Variants in MEF2C observed in about 807,000 individuals in gnomAD.
The protein encoded by MEF2C is myocyte-specific enhancer factor 2C.
MEF2C carries 6 observed loss-of-function variants against 50.5 expected under a neutral mutation model. The ratio of observed to expected loss-of-function variants is 0.12; its 90% CI spans 0.07 to 0.23. The LOEUF (loss-of-function observed/expected upper bound fraction) is 0.23. Ranked by LOEUF, MEF2C falls within the 10% of genes least tolerant of loss-of-function variation. MEF2C has a pLI of 1.00. For missense variants in MEF2C, 276 were observed against 605.0 expected, an observed-to-expected ratio of 0.46 and a Z score of 5.70; for synonymous variants, 183 against 228.0, an observed-to-expected ratio of 0.80 and a Z score of 1.78.
At position 88,722,631 on chromosome 5, in the gene MEF2C, C is replaced by G; in HGVS notation, c.1395G>C (p.Met465Ile). 1 of 1,612,756 alleles carries G rather than the reference C, an allele frequency of 6.2e-7. No homozygotes were observed. Among genetic ancestry groups the G allele is most frequent in the Non-Finnish European group, 8.5e-7 (1 of 1,179,256 alleles). Residue 465 changes from methionine to isoleucine, a missense_variant, in exon 11 of 11, where the codon ATG (methionine) becomes ATC (isoleucine). Physicochemically the swap from Met to Ile is conservative, Grantham distance 10 (BLOSUM62 1). Around this residue, in one of 2 missense-constraint regions of MEF2C, gnomAD observed 256 missense variants for 468.1 expected, o/e 0.55. Coordinates refer to ENST00000504921, the MANE Select transcript of MEF2C (RefSeq NM_002397.5). ...DERESPSVKR[M>I]RLSEGWAT ...ATGTTGCCCATCCTTCAGAAAGTCG[C>G]ATGCGCTTGACTGAGGGACTTTCCC...
At chr5:88,775,773 C>T in intron 3 of MEF2C, 12 of 974,358 alleles carry the variant, frequency 1.2e-5, no homozygotes, top group Non-Finnish European at 1.5e-5. Context: ...CCTTGGATTT[C>T]ACATGATGCT....
chr5:88,892,653 G>A (rs1273194481), intron 1 of MEF2C, among the ~76,000 whole-genome samples: 1 of 152,148 alleles, frequency 6.6e-6, no homozygotes, highest in Admixed American at 6.5e-5. Flanking sequence ...CTGACATCAT[G>A]CCTCTAGGAT....
At chr5:88,730,140 A>G (rs1028913902) in intron 8 of MEF2C, 71 bp downstream of exon 8, 14 of 1,492,236 alleles carry the variant, frequency 9.4e-6, no homozygotes, top group Non-Finnish European at 1.8e-6. Context: ...TTCCAATTTT[A>G]TCAAAGCTAC....
Position 88,749,106 on chromosome 5 carries a change from C to A in MEF2C, c.601G>T (p.Gly201Cys). ...CCTGCACCAGACGTGAGGTCTCCACCCATCAGACCACCTATGGATTAAAGA... is the reference window on the plus strand; with the variant it reads ...CCTGCACCAGACGTGAGGTCTCCACACATCAGACCACCTATGGATTAAAGA... ...PSAGNTGGLM[G>C]GDLTSGAGTS... Residue 201 changes from glycine to cysteine, a missense_variant, in exon 6 of 11, where the codon GGT (glycine) becomes TGT (cysteine). By Grantham distance (159) the Gly-to-Cys change is radical (BLOSUM62 -3). Around this residue, in one of 2 missense-constraint regions of MEF2C, gnomAD observed 256 missense variants for 468.1 expected, o/e 0.55. Transcript: ENST00000504921. 6.4e-7 allele frequency: 1 copy of A among 1,573,856 alleles called. No individual in the cohort carries two copies. The highest frequency in any genetic ancestry group is 1.2e-5 in the South Asian group (1 of 85,214).
In MEF2C at chr5:88,721,248, T is replaced by C. The variant is rs1581188352; in HGVS notation, c.*1356A>G. 1 of 152,620 alleles carries C rather than the reference T, an allele frequency of 6.6e-6. No individual in the cohort carries two copies. The highest frequency in any genetic ancestry group is 1.5e-5 in the Non-Finnish European group (1 of 68,034). 9.5% of individuals were successfully genotyped at this position (152,620 alleles called of 1,614,324 possible). ...TGGGCAAGTTAGGATATGCACTTAC[T>C]GAATTCCAAGATGCATGGTGAAATG... On this transcript the variant is annotated 3_prime_UTR_variant, in exon 11 of 11. Transcript: ENST00000504921.
intron 2 of MEF2C, among the ~76,000 whole-genome samples, chr5:88,822,758 G>T (rs939243117): frequency 6.6e-6 from 1 of 151,940 alleles, no homozygotes; most frequent in Non-Finnish European, 1.5e-5. Flanking sequence ...TCTGGTGGTT[G>T]TCCCCAGGGC....
chr5:88,842,816 T>C (rs1183369156), intron 1 of MEF2C, among the ~76,000 whole-genome samples: 1 of 152,210 alleles, frequency 6.6e-6, no homozygotes, highest in African/African-American at 2.4e-5. Flanking sequence ...AATAATCTTC[T>C]TTAAAAATAT....
intron 3 of MEF2C, among the ~76,000 whole-genome samples, chr5:88,790,428 A>G (rs1241404507): frequency 6.6e-6 from 1 of 152,214 alleles, no homozygotes; most frequent in Non-Finnish European, 1.5e-5. Flanking sequence ...AGTTAGAATC[A>G]GCATTTTAGC....
At chr5:88,739,497 G>A (rs1765566912) in intron 6 of MEF2C, 1 of 972,100 alleles carries the variant, frequency 1.0e-6, no homozygotes, top group African/African-American at 1.8e-5. Flanking sequence ...TCAGGATATT[G>A]TTTTGTGCCT....
intron 1 of MEF2C, among the ~76,000 whole-genome samples, chr5:88,876,712 T>C (rs1232734269): frequency 2.6e-5 from 4 of 151,954 alleles, no homozygotes; most frequent in Admixed American, 2.6e-4. Context: ...GCTGAAAGAA[T>C]CACAGGTGTG....
chr5:88,775,596 A>C (rs2152815832), intron 3 of MEF2C, among the ~76,000 whole-genome samples: 1 of 152,370 alleles, frequency 6.6e-6, no homozygotes, highest in African/African-American at 2.4e-5. Flanking sequence ...AAATTAAATT[A>C]ATAATTAAAA....
At chr5:88,878,511 C>T (rs1831804592) in intron 1 of MEF2C, among the ~76,000 whole-genome samples, 2 of 152,052 alleles carry the variant, frequency 1.3e-5, no homozygotes, top group South Asian at 4.1e-4. Context: ...CACCCACTAA[C>T]TTCTACCTCA....
chr5:88,787,264 G>A (rs1220843448), intron 3 of MEF2C, among the ~76,000 whole-genome samples: 4 of 152,108 alleles, frequency 2.6e-5, no homozygotes, highest in South Asian at 2.1e-4. Flanking sequence ...CTATGCAGTC[G>A]TAAATTAAGA....
chr5:88,739,745 A>C, intron 6 of MEF2C: 1 of 984,650 alleles, frequency 1.0e-6, no homozygotes. Context: ...TATTTTTTTG[A>C]GAAAAAAAGA....
intron 6 of MEF2C, chr5:88,742,135 G>T (rs1767113786): frequency 1.0e-6 from 1 of 985,208 alleles, no homozygotes; most frequent in South Asian, 4.7e-5. Flanking sequence ...AAAGTCCCTG[G>T]TAAGTAAAAA....
chr5:88,748,914 T>C, intron 6 of MEF2C, 156 bp downstream of exon 6: 1 of 985,464 alleles, frequency 1.0e-6, no homozygotes, highest in Non-Finnish European at 1.2e-6. Flanking sequence ...TAACCACTCC[T>C]GCTTCAGAAA....
intron 3 of MEF2C, 82 bp downstream of exon 3, chr5:88,804,516 T>C: frequency 8.5e-7 from 1 of 1,175,612 alleles, no homozygotes; most frequent in Admixed American, 1.9e-5. Context: ...AAGAACATGA[T>C]GTGTGTATGT....
intron 3 of MEF2C, among the ~76,000 whole-genome samples, chr5:88,767,893 T>A (rs1017287735): frequency 6.6e-6 from 1 of 152,230 alleles, no homozygotes; most frequent in Non-Finnish European, 1.5e-5. Flanking sequence ...GATACTCTAG[T>A]CTGGATGAGA....
At chr5:88,797,556 G>C (rs1201486107) in intron 3 of MEF2C, among the ~76,000 whole-genome samples, 1 of 148,830 alleles carries the variant, frequency 6.7e-6, no homozygotes, top group South Asian at 2.1e-4. Context: ...ACGCGACATG[G>C]GTCTCCTGAA....
Sources: allele counts gnomAD v4.1 joint callset (sites outside exome capture counted in the v4.1 genomes callset), GRCh38; gene constraint gnomAD v4.1.1; regional missense constraint gnomAD v4.1.1; transcripts MANE v1.5; gene names NCBI Gene and HGNC (gene_info 2026-07-23, HGNC 2026-07-21).